SYN2: variants seen among roughly 807,000 people sequenced by gnomAD.
The protein encoded by SYN2 is synapsin-2.
A neutral mutation model predicts 50.9 loss-of-function variants in SYN2; 19 were observed. The observed-to-expected ratio is 0.37, with a 90% CI of 0.26 to 0.55. The LOEUF is 0.55. Among genes scored for constraint, SYN2 ranks in the 20% least tolerant of loss-of-function variants. The probability of loss-of-function intolerance (pLI) is 0.81; values close to 1 mark genes in which losing one functional copy is unlikely to be tolerated. For synonymous variants in SYN2, 255 were observed against 224.9 expected, an observed-to-expected ratio of 1.13 and a Z score of -1.20; for missense variants, 587 against 576.4, an observed-to-expected ratio of 1.02 and a Z score of -0.19.
chr3:12,134,363 C>G (rs1047711441), intron 1 of SYN2, among the ~76,000 whole-genome samples: 3 of 152,190 alleles, frequency 2.0e-5, no homozygotes, highest in Non-Finnish European at 4.4e-5. Flanking sequence ...ACATTTAAAG[C>G]CCTTTGCTCT....
In SYN2 at chr3:12,105,498, TGG is replaced by T. The variant is rs1211545612; in HGVS notation, c.378-35152_378-35151del. 4.1e-5 allele frequency among the ~76,000 whole-genome samples: 5 copies of T among 120,606 alleles called. No individual in the cohort carries two copies. The South Asian group carries it at 8.0e-4, about 19-fold the overall frequency. 79.1% of individuals were successfully genotyped at this position (120,606 alleles called of 152,430 possible). A position where few individuals can be genotyped will look rare whatever the true frequency, so the allele number is the denominator to read the frequency against. ...CTAGGACAAACACCACTAGAAGGTATGGATCTTCTAGTGGTGTTTGTCCTAGG... is the reference window on the plus strand; with the variant it reads ...CTAGGACAAACACCACTAGAAGGTATATCTTCTAGTGGTGTTTGTCCTAGG... On this transcript the variant is annotated intron_variant, in intron 1 of 12. Transcript: ENST00000621198.
chr3:12,183,411 G>A lies in SYN2; in HGVS notation c.1369+39G>A, dbSNP rs767227662. The A allele has an allele frequency of 1.5e-5, 24 of 1,613,148 alleles. No homozygotes were observed. The South Asian group carries it at 2.4e-4, about 16-fold the overall frequency. On this transcript the variant is annotated intron_variant, in intron 11 of 12. Transcript: ENST00000621198. ...TATTCTCGACTGTAATGGCATTGCAGTAGGGCCAAAACAAGTCCAAGCTTC... is the reference window on the plus strand; with the variant it reads ...TATTCTCGACTGTAATGGCATTGCAATAGGGCCAAAACAAGTCCAAGCTTC...
At chr3:12,094,737 T>A (rs1477890329) in intron 1 of SYN2, among the ~76,000 whole-genome samples, 1 of 152,090 alleles carries the variant, frequency 6.6e-6, no homozygotes, top group East Asian at 1.9e-4. Context: ...GACAATAGAA[T>A]GGACAGGATT....
rs373027723 is a variant in SYN2, at chr3:12,168,446, C to T, written c.1126C>T (p.His376Tyr). 44 of 1,613,882 alleles carry T rather than the reference C, an allele frequency of 2.7e-5. No individual in the cohort carries two copies. The African/African-American group carries it at 5.3e-4, about 20-fold the overall frequency. ...GGACATCTGTGCTGTCAAAGCTGTA[C>T]ATGGCAAAGATGGGAAAGACTACAT... ...GLDICAVKAVHGKDGKDYIFE... is the reference protein window; with the variant it reads ...GLDICAVKAVYGKDGKDYIFE... The change falls in exon 9 of 13, where the codon CAT (histidine) becomes TAT (tyrosine). Residue 376 changes from histidine to tyrosine, a missense_variant. Physicochemically the swap from His to Tyr is moderately conservative, Grantham distance 83. Coordinates refer to ENST00000621198, the MANE Select transcript of SYN2 (RefSeq NM_133625.6).
chr3:12,005,058 G>T, intron 1 of SYN2, 130 bp downstream of exon 1: 1 of 386,744 alleles, frequency 2.6e-6, no homozygotes, highest in Non-Finnish European at 4.6e-6. Context: ...GGTCCCGCTG[G>T]GAGGAGGTGC....
At chr3:12,016,084 A>T (rs1184834234) in intron 1 of SYN2, among the ~76,000 whole-genome samples, 2 of 152,134 alleles carry the variant, frequency 1.3e-5, no homozygotes, top group African/African-American at 4.8e-5. Context: ...TGTTTCTTTT[A>T]TATTTCTAGA....
intron 6 of SYN2, 196 bp downstream of exon 6, chr3:12,161,804 G>C: frequency 1.1e-6 from 1 of 944,306 alleles, no homozygotes; most frequent in Non-Finnish European, 1.6e-6. Flanking sequence ...CACCTGCTTG[G>C]TCCTCTGGGT....
At chr3:12,120,949 C>CA (rs768438244) in intron 1 of SYN2, among the ~76,000 whole-genome samples, 15 of 152,204 alleles carry the variant, frequency 9.9e-5, no homozygotes, top group Non-Finnish European at 2.2e-4. Flanking sequence ...CAACCTTGCG[C>CA]AATCCCCCTC....
intron 1 of SYN2, among the ~76,000 whole-genome samples, chr3:12,103,487 A>G (rs1357543980): frequency 4.6e-5 from 7 of 152,222 alleles, no homozygotes; most frequent in Admixed American, 1.3e-4. Flanking sequence ...AAGTATTCCA[A>G]AGCCTTGCAT....
At chr3:12,080,876 A>G (rs1281347728) in intron 1 of SYN2, among the ~76,000 whole-genome samples, 1 of 151,980 alleles carries the variant, frequency 6.6e-6, no homozygotes, top group Non-Finnish European at 1.5e-5. Context: ...TTCTGTCTCA[A>G]TTATCTAATA....
intron 10 of SYN2, among the ~76,000 whole-genome samples, chr3:12,176,027 C>T (rs1170517094): frequency 1.3e-5 from 2 of 152,206 alleles, no homozygotes; most frequent in Admixed American, 6.5e-5. Context: ...AGACTGTTCT[C>T]GAGGTGGCAG....
At chr3:12,037,062 C>T (rs541645659) in intron 1 of SYN2, among the ~76,000 whole-genome samples, 1 of 152,318 alleles carries the variant, frequency 6.6e-6, no homozygotes, top group Middle Eastern at 3.4e-3. Context: ...ATAGACTTTA[C>T]TCCAGTTTCT....
At chr3:12,108,570 C>T (rs955117849) in intron 1 of SYN2, among the ~76,000 whole-genome samples, 1 of 152,180 alleles carries the variant, frequency 6.6e-6, no homozygotes, top group Non-Finnish European at 1.5e-5. Context: ...ATGAATGTCA[C>T]AAGATAGTTG....
chr3:12,183,420 A>C, intron 11 of SYN2, 48 bp downstream of exon 11: 1 of 1,612,264 alleles, frequency 6.2e-7, no homozygotes, highest in Non-Finnish European at 8.5e-7. Context: ...AGTAGGGCCA[A>C]AACAAGTCCA....
intron 1 of SYN2, among the ~76,000 whole-genome samples, chr3:12,007,440 A>G (rs1408947911): frequency 6.6e-6 from 1 of 152,188 alleles, no homozygotes; most frequent in Non-Finnish European, 1.5e-5. Context: ...GAGTGGTTTT[A>G]TTGAAAAGTC....
At chr3:12,106,224 G>A (rs1696186780) in intron 1 of SYN2, among the ~76,000 whole-genome samples, 2 of 152,240 alleles carry the variant, frequency 1.3e-5, no homozygotes, top group South Asian at 4.2e-4. Context: ...CTTTAACCCA[G>A]CAATGGTACA....
chr3:12,047,617 A>AG (rs1694767922), intron 1 of SYN2, among the ~76,000 whole-genome samples: 2 of 152,032 alleles, frequency 1.3e-5, no homozygotes, highest in Admixed American at 1.3e-4. Flanking sequence ...TGTCAGATGG[A>AG]GACGATGAAA....
At chr3:12,121,514 TG>T (rs1221958763) in intron 1 of SYN2, among the ~76,000 whole-genome samples, 1 of 152,198 alleles carries the variant, frequency 6.6e-6, no homozygotes, top group Non-Finnish European at 1.5e-5. Context: ...TTGTTTTTTT[TG>T]TTTTGCTGTA....
chr3:12,166,432 T>C (rs1362569487), intron 7 of SYN2, among the ~76,000 whole-genome samples: 1 of 152,228 alleles, frequency 6.6e-6, no homozygotes, highest in Non-Finnish European at 1.5e-5. Flanking sequence ...GTGAAATGAC[T>C]CTCTGAAGGT....
Sources: allele counts gnomAD v4.1 joint callset (sites outside exome capture counted in the v4.1 genomes callset), GRCh38; gene constraint gnomAD v4.1.1; transcripts MANE v1.5; gene names NCBI Gene and HGNC (gene_info 2026-07-23, HGNC 2026-07-21).